Variants in PDXP observed in about 807,000 individuals in gnomAD.
PDXP encodes the protein pyridoxal phosphatase, also known as chronophin.
A neutral mutation model predicts 14.4 loss-of-function variants in PDXP; 15 were observed. That is an observed-to-expected ratio of 1.04 (90% CI 0.70 to 1.60). PDXP has a LOEUF of 1.60. Ranked by LOEUF, PDXP falls within the 40% of genes most tolerant of loss-of-function variation. The pLI is 0.00. For missense variants in PDXP, 413 were observed against 427.6 expected, an observed-to-expected ratio of 0.97 and a Z score of 0.30; for synonymous variants, 233 against 205.6, an observed-to-expected ratio of 1.13 and a Z score of -1.14.
rs1335083676 is a variant in PDXP, at chr22:37,658,817, T to C, written c.35T>C (p.Leu12Pro). 8.4e-7 allele frequency: 1 copy of C among 1,183,438 alleles called. No individual in the cohort carries two copies. Among genetic ancestry groups the C allele is most frequent in the Non-Finnish European group, 1.0e-6 (1 of 956,752 alleles). 73.3% of individuals were successfully genotyped at this position (1,183,438 alleles called of 1,614,324 possible). A position where few individuals can be genotyped will look rare whatever the true frequency, so the allele number is the denominator to read the frequency against. Residue 12 changes from leucine to proline, a missense_variant, in exon 1 of 2, where the codon CTG becomes CCG. Transcript: ENST00000215904. ...TGCGAGAGGCTGCGCGGAGCGGCCC[T>C]GCGCGACGTGCTGGGCCGGGCGCAG... ...ARCERLRGAA[L>P]RDVLGRAQGV...
chr22:37,665,475 C>A, intron 1 of PDXP, 80 bp from the exon 2 acceptor site: 1 of 1,174,154 alleles, frequency 8.5e-7, no homozygotes, highest in East Asian at 2.6e-5. Context: ...TGGCACAATC[C>A]ACCTCCCTGG....
chr22:37,665,680 C>A lies in PDXP; in HGVS notation c.700C>A (p.Leu234Ile). The stretch of plus-strand genomic sequence containing the variant: ...CTTCAGCATCGACCCCGCACGCACG[C>A]TTATGGTGGGTGACCGCCTGGAGAC... ...ENFSIDPART[L>I]MVGDRLETDI... The change falls in exon 2 of 2, where the codon CTT becomes ATT. Residue 234 changes from leucine to isoleucine, a missense_variant. By Grantham distance (5) the Leu-to-Ile change is conservative (BLOSUM62 2). Transcript: ENST00000215904. 1 of 1,614,156 alleles carries A rather than the reference C, an allele frequency of 6.2e-7. No individual in the cohort carries two copies. Among genetic ancestry groups the A allele is most frequent in the East Asian group, 2.2e-5 (1 of 44,886 alleles).
At chr22:37,659,788 C>G (rs964720103) in intron 1 of PDXP, among the ~76,000 whole-genome samples, 2 of 152,170 alleles carry the variant, frequency 1.3e-5, no homozygotes, top group African/African-American at 4.8e-5. Context: ...GCTGTGTAAT[C>G]GTGTTCAGTT....
At chr22:37,661,727 T>G (rs1204018554) in intron 1 of PDXP, among the ~76,000 whole-genome samples, 1 of 151,964 alleles carries the variant, frequency 6.6e-6, no homozygotes. Flanking sequence ...TAGTAAATAT[T>G]AGCTGAATGA....
In PDXP at chr22:37,659,306, C is replaced by T; in HGVS notation, c.524C>T (p.Ala175Val). ...CGCGACCCCGAGTGCCTACTCGTGGCCACCGACCGTGACCCATGGCACCCG... is the reference window on the plus strand; with the variant it reads ...CGCGACCCCGAGTGCCTACTCGTGGTCACCGACCGTGACCCATGGCACCCG... ...HLRDPECLLVATDRDPWHPLS... is the reference protein window; with the variant it reads ...HLRDPECLLVVTDRDPWHPLS... Residue 175 changes from alanine (A) to valine (V), a missense_variant, in exon 1 of 2, where the codon GCC becomes GTC. Transcript: ENST00000215904. 1.5e-6 allele frequency: 2 copies of T among 1,306,888 alleles called. No individual in the cohort carries two copies. Among genetic ancestry groups the T allele is most frequent in the Non-Finnish European group, 2.0e-6 (2 of 1,025,266 alleles). The allele number at this position is 1,306,888 out of a possible 1,614,324, so 81.0% of individuals were successfully genotyped here. A position where few individuals can be genotyped will look rare whatever the true frequency, so the allele number is the denominator to read the frequency against.
chr22:37,663,848 C>T (rs1920989541), intron 1 of PDXP, among the ~76,000 whole-genome samples: 2 of 150,310 alleles, frequency 1.3e-5, no homozygotes, highest in South Asian at 2.1e-4. Flanking sequence ...TTCGTAGAGA[C>T]GGGGTTTCAT....
At chr22:37,664,739 G>C (rs1185965385) in intron 1 of PDXP, among the ~76,000 whole-genome samples, 1 of 152,222 alleles carries the variant, frequency 6.6e-6, no homozygotes, top group African/African-American at 2.4e-5. Context: ...TGGACTTATT[G>C]TGTGAGGCAG....
At chr22:37,659,764 G>C (rs1224784347) in intron 1 of PDXP, among the ~76,000 whole-genome samples, 1 of 152,208 alleles carries the variant, frequency 6.6e-6, no homozygotes, top group South Asian at 2.1e-4. Flanking sequence ...TCCAGGTCCA[G>C]CTCCAGCTTC....
chr22:37,658,835 G>C lies in PDXP; in HGVS notation c.53G>C (p.Arg18Pro). 1 of 1,196,178 alleles carries C rather than the reference G, an allele frequency of 8.4e-7. No homozygotes were observed. Among genetic ancestry groups the C allele is most frequent in the Non-Finnish European group, 1.0e-6 (1 of 964,364 alleles). The allele number at this position is 1,196,178 out of a possible 1,614,324, so 74.1% of individuals were successfully genotyped here. Residue 18 changes from arginine (R) to proline (P), a missense_variant, in exon 1 of 2, where the codon CGG becomes CCG. By Grantham distance (103) the Arg-to-Pro change is moderately radical (BLOSUM62 -2). Coordinates refer to ENST00000215904, the MANE Select transcript of PDXP (RefSeq NM_020315.5). ...GCGGCCCTGCGCGACGTGCTGGGCC[G>C]GGCGCAGGGGGTCCTGTTCGACTGT... ...RGAALRDVLG[R>P]AQGVLFDCDG...
At chr22:37,664,619 A>G (rs1569017023) in intron 1 of PDXP, among the ~76,000 whole-genome samples, 1 of 152,230 alleles carries the variant, frequency 6.6e-6, no homozygotes, top group African/African-American at 2.4e-5. Flanking sequence ...AGCACAGGCC[A>G]GGCAGTTTAG....
chr22:37,660,695 C>G (rs1413779267), intron 1 of PDXP, among the ~76,000 whole-genome samples: 1 of 152,122 alleles, frequency 6.6e-6, no homozygotes, highest in Non-Finnish European at 1.5e-5. Flanking sequence ...GCCACTGACC[C>G]GGACAGTCAT....
chr22:37,659,510 G>A (rs529291932), intron 1 of PDXP, among the ~76,000 whole-genome samples, 154 bp downstream of exon 1: 7 of 152,232 alleles, frequency 4.6e-5, no homozygotes, highest in Admixed American at 4.6e-4. Context: ...TGTGGGGGGC[G>A]GTTGATCCCT....
chr22:37,661,917 A>ATTTTTTTTTTTTTTTTTT (rs763030330), intron 1 of PDXP, among the ~76,000 whole-genome samples: 2 of 71,216 alleles, frequency 2.8e-5, no homozygotes, highest in Non-Finnish European at 5.1e-5. Flanking sequence ...TTTTTCTTTA[A>ATTTTTTTTTTTTTTTTTT]TTTTTTTTTT....
chr22:37,661,781 G>T (rs1384325701), intron 1 of PDXP, among the ~76,000 whole-genome samples: 2 of 152,154 alleles, frequency 1.3e-5, no homozygotes, highest in African/African-American at 4.8e-5. Context: ...CTCCATCCTG[G>T]TGGGGAAGGA....
rs956178105 is a variant in PDXP, at chr22:37,665,978, G to T, written c.*107G>T. ...TAAGCACAACCGGCTCCTTGGTCCA[G>T]TTCTGCACCGGGGTGGGGCTGGGAC... On this transcript the variant is annotated 3_prime_UTR_variant, in exon 2 of 2. Transcript: ENST00000215904. 1.7e-6 allele frequency: 2 copies of T among 1,186,854 alleles called. No homozygotes were observed. The highest frequency in any genetic ancestry group is 2.5e-5 in the East Asian group (1 of 39,450). The allele number at this position is 1,186,854 out of a possible 1,614,324, so 73.5% of individuals were successfully genotyped here.
chr22:37,662,342 G>A (rs1040092372), intron 1 of PDXP, among the ~76,000 whole-genome samples: 1 of 152,118 alleles, frequency 6.6e-6, no homozygotes, highest in African/African-American at 2.4e-5. Context: ...TTTGCCTTTG[G>A]CTTAACTGAG....
chr22:37,665,141 G>T (rs531741376), intron 1 of PDXP: 9 of 215,024 alleles, frequency 4.2e-5, no homozygotes, highest in African/African-American at 2.0e-4. Context: ...CAGGAGTCCG[G>T]AGAAACTTGG....
At position 37,665,759 on chromosome 22, in the gene PDXP, G is replaced by A; in HGVS notation, c.779G>A (p.Gly260Glu). 6.2e-7 allele frequency: 1 copy of A among 1,614,102 alleles called. No homozygotes were observed. Among genetic ancestry groups the A allele is most frequent in the Non-Finnish European group, 8.5e-7 (1 of 1,180,048 alleles). Residue 260 changes from glycine to glutamate, a missense_variant, in exon 2 of 2, where the codon GGA becomes GAA. By Grantham distance (98) the Gly-to-Glu change is moderately conservative. Coordinates refer to ENST00000215904, the MANE Select transcript of PDXP (RefSeq NM_020315.5). ...ATGACCACTGTGCTCACGCTCACAG[G>A]AGTCTCCCGCCTAGAAGAGGCCCAG... ...CGMTTVLTLTGVSRLEEAQAY... is the reference protein window; with the variant it reads ...CGMTTVLTLTEVSRLEEAQAY...
Position 37,658,778 on chromosome 22 carries a change from G to A in PDXP, c.-5G>A. 1 of 1,167,692 alleles carries A rather than the reference G, an allele frequency of 8.6e-7. No homozygotes were observed. Among genetic ancestry groups the A allele is most frequent in the Non-Finnish European group, 1.1e-6 (1 of 946,660 alleles). The allele number at this position is 1,167,692 out of a possible 1,614,324, so 72.3% of individuals were successfully genotyped here. A position where few individuals can be genotyped will look rare whatever the true frequency, so the allele number is the denominator to read the frequency against. On this transcript the variant is annotated 5_prime_UTR_variant, in exon 1 of 2. Transcript: ENST00000215904. ...GGCGCGGGAGGCCGGCGGCCGGCCG[G>A]CTGCATGGCGCGCTGCGAGAGGCTG...
Sources: allele counts gnomAD v4.1 joint callset (sites outside exome capture counted in the v4.1 genomes callset), GRCh38; gene constraint gnomAD v4.1.1; transcripts MANE v1.5; gene names NCBI Gene and HGNC (gene_info 2026-07-23, HGNC 2026-07-21).